KCNB2: variants seen among roughly 807,000 people sequenced by gnomAD.
KCNB2 encodes potassium voltage-gated channel subfamily B member 2.
A neutral mutation model predicts 61.5 loss-of-function variants in KCNB2; 15 were observed. The observed-to-expected ratio is 0.24, with a 90% CI of 0.16 to 0.38. KCNB2 has a LOEUF of 0.38. KCNB2 is among the 10% of genes least tolerant of loss of function. KCNB2 has a pLI of 1.00. For missense variants in KCNB2, 828 were observed against 1,125.2 expected (o/e 0.74, Z 3.78); for synonymous variants, 457 against 446.0 (o/e 1.02, Z -0.31).
intron 2 of KCNB2, among the ~76,000 whole-genome samples, chr8:72,697,749 A>G (rs895233608): frequency 1.3e-5 from 2 of 152,184 alleles, no homozygotes; most frequent in African/African-American, 4.8e-5. Context: ...TTTGGGAAGC[A>G]GTTATTCTCA....
chr8:72,599,882 C>G (rs1345033938), intron 2 of KCNB2, among the ~76,000 whole-genome samples: 1 of 152,152 alleles, frequency 6.6e-6, no homozygotes, highest in African/African-American at 2.4e-5. Flanking sequence ...AAATGCAAAT[C>G]AAAACCACAA....
chr8:72,570,764 T>C (rs1375812293), intron 2 of KCNB2, among the ~76,000 whole-genome samples: 1 of 152,180 alleles, frequency 6.6e-6, no homozygotes, highest in Non-Finnish European at 1.5e-5. Flanking sequence ...TGTGTAGGAA[T>C]GCTTGGAACC....
At chr8:72,869,914 A>C (rs1805590680) in intron 2 of KCNB2, among the ~76,000 whole-genome samples, 1 of 152,238 alleles carries the variant, frequency 6.6e-6, no homozygotes, top group South Asian at 2.1e-4. Flanking sequence ...GGTATTATTC[A>C]CAATAGCCAA....
At chr8:72,545,349 C>T (rs1413434126) in intron 1 of KCNB2, among the ~76,000 whole-genome samples, 1 of 152,204 alleles carries the variant, frequency 6.6e-6, no homozygotes, top group Non-Finnish European at 1.5e-5. Flanking sequence ...GGCAACCCTG[C>T]ATCACGCAAG....
intron 2 of KCNB2, among the ~76,000 whole-genome samples, chr8:72,765,115 G>A (rs1808440849): frequency 6.6e-6 from 1 of 152,134 alleles, no homozygotes; most frequent in African/African-American, 2.4e-5. Context: ...GATCCCAGTT[G>A]CCTGAACTAC....
intron 2 of KCNB2, among the ~76,000 whole-genome samples, chr8:72,655,566 C>G (rs928294088): frequency 1.3e-5 from 2 of 152,030 alleles, no homozygotes; most frequent in African/African-American, 4.8e-5. Context: ...ATACAGATAT[C>G]TACTACTTTC....
intron 2 of KCNB2, among the ~76,000 whole-genome samples, chr8:72,712,561 T>C (rs1314487155): frequency 3.3e-5 from 5 of 152,238 alleles, no homozygotes; most frequent in African/African-American, 1.2e-4. Flanking sequence ...CCACAGTCAG[T>C]GGTCCAAGCT....
chr8:72,707,861 T>G (rs1439961959), intron 2 of KCNB2, among the ~76,000 whole-genome samples: 1 of 152,038 alleles, frequency 6.6e-6, no homozygotes, highest in Non-Finnish European at 1.5e-5. Flanking sequence ...CACATTCGCA[T>G]TAGGGTAATT....
At chr8:72,738,987 A>G (rs1807898435) in intron 2 of KCNB2, among the ~76,000 whole-genome samples, 2 of 152,170 alleles carry the variant, frequency 1.3e-5, no homozygotes, top group South Asian at 4.1e-4. Flanking sequence ...TATACCATTT[A>G]TTAGGATTAA....
At chr8:72,874,903 T>G (rs1221524475) in intron 2 of KCNB2, 3 of 152,266 alleles carry the variant, frequency 2.0e-5, no homozygotes, top group African/African-American at 7.2e-5. Flanking sequence ...TTACCTAGTC[T>G]GCTACAACCT....
chr8:72,869,399 T>A (rs1805581343), intron 2 of KCNB2, among the ~76,000 whole-genome samples: 1 of 152,172 alleles, frequency 6.6e-6, no homozygotes, highest in African/African-American at 2.4e-5. Flanking sequence ...CCTTCCTTTA[T>A]TAAAACCATA....
intron 2 of KCNB2, among the ~76,000 whole-genome samples, chr8:72,570,398 C>T (rs1212242527): frequency 6.6e-6 from 1 of 152,026 alleles, no homozygotes; most frequent in Non-Finnish European, 1.5e-5. Flanking sequence ...TCTACATTTT[C>T]CTCTCTGTTT....
At chr8:72,764,172 T>G (rs528985961) in intron 2 of KCNB2, among the ~76,000 whole-genome samples, 1 of 152,020 alleles carries the variant, frequency 6.6e-6, no homozygotes, top group East Asian at 1.9e-4. Context: ...GCCCTGAGAG[T>G]TGGCAGAGCA....
At chr8:72,712,486 A>G (rs1302948367) in intron 2 of KCNB2, among the ~76,000 whole-genome samples, 1 of 152,182 alleles carries the variant, frequency 6.6e-6, no homozygotes, top group East Asian at 1.9e-4. Flanking sequence ...TTAGTTGGAT[A>G]ATGTGGTTTT....
At chr8:72,748,438 A>G (rs1808119156) in intron 2 of KCNB2, among the ~76,000 whole-genome samples, 1 of 152,126 alleles carries the variant, frequency 6.6e-6, no homozygotes. Flanking sequence ...TCGTTTTATA[A>G]TATTGAATTT....
intron 2 of KCNB2, among the ~76,000 whole-genome samples, chr8:72,929,788 TG>T (rs778675782): frequency 1.2e-4 from 19 of 152,132 alleles, no homozygotes; most frequent in Non-Finnish European, 2.2e-4. Context: ...CACACATAAT[TG>T]TTTTTTTTAT....
intron 2 of KCNB2, among the ~76,000 whole-genome samples, chr8:72,884,507 CTTGT>C (rs1805770775): frequency 6.6e-6 from 1 of 152,010 alleles, no homozygotes; most frequent in South Asian, 2.1e-4. Context: ...CTTTTTATGT[CTTGT>C]TTAAGAAACA....
chr8:72,557,202 ACT>A (rs1439334214), intron 1 of KCNB2, among the ~76,000 whole-genome samples: 1 of 151,582 alleles, frequency 6.6e-6, no homozygotes, highest in African/African-American at 2.4e-5. Flanking sequence ...ATCAGGAAAG[ACT>A]CTCACCTTTC....
At chr8:72,540,308 G>A (rs1806171252) in intron 1 of KCNB2, among the ~76,000 whole-genome samples, 1 of 151,984 alleles carries the variant, frequency 6.6e-6, no homozygotes, top group African/African-American at 2.4e-5. Flanking sequence ...GAAATCTCAT[G>A]CATATTTTAA....
Sources: gnomAD v4.1 joint callset for allele counts (sites outside exome capture counted in the v4.1 genomes callset) on GRCh38, gnomAD v4.1.1 for gene constraint, MANE v1.5 for transcripts, NCBI Gene and HGNC (gene_info 2026-07-23, HGNC 2026-07-21) for gene names.